The following GSAP variants were observed in gnomAD, a reference collection of about 807,000 sequenced individuals.
GSAP encodes gamma-secretase-activating protein.
In GSAP, 118 loss-of-function variants were observed where a neutral mutation model predicts 131.7. The ratio of observed to expected loss-of-function variants is 0.90; its 90% CI spans 0.77 to 1.04. GSAP has a LOEUF of 1.04. Among genes scored for constraint, GSAP ranks in the 50% least tolerant of loss-of-function variants. GSAP has a pLI of 0.00. For synonymous variants in GSAP, 381 were observed against 363.4 expected, an observed-to-expected ratio of 1.05 and a Z score of -0.55; for missense variants, 1,019 against 1,013.2, an observed-to-expected ratio of 1.01 and a Z score of -0.08.
At chr7:77,403,199 G>A (rs892806589) in intron 3 of GSAP, among the ~76,000 whole-genome samples, 4 of 152,084 alleles carry the variant, frequency 2.6e-5, no homozygotes, top group Non-Finnish European at 5.9e-5. Context: ...CTGAAAACTT[G>A]AGATTTTATT....
At chr7:77,407,943 A>T (rs912292789) in intron 1 of GSAP, among the ~76,000 whole-genome samples, 1 of 152,252 alleles carries the variant, frequency 6.6e-6, no homozygotes, top group African/African-American at 2.4e-5. Flanking sequence ...ATTCTGCAAT[A>T]ACACATGTGA....
chr7:77,321,777 G>A (rs578158559), intron 24 of GSAP, among the ~76,000 whole-genome samples: 22 of 152,310 alleles, frequency 1.4e-4, no homozygotes, highest in African/African-American at 5.3e-4. Context: ...CAGAAGAAAA[G>A]AGACACAGAA....
upstream of GSAP, chr7:77,416,389 G>GCCTCGC: frequency 1.2e-6 from 1 of 811,280 alleles, no homozygotes; most frequent in Non-Finnish European, 1.8e-6. Flanking sequence ...CCGCGTGGCC[G>GCCTCGC]CCTCGCCCTC....
intron 18 of GSAP, among the ~76,000 whole-genome samples, chr7:77,349,962 C>T (rs1346056496): frequency 1.3e-5 from 2 of 152,088 alleles, no homozygotes; most frequent in African/African-American, 4.8e-5. Flanking sequence ...TATAAAGACA[C>T]ATGCACACGT....
chr7:77,328,542 G>A, intron 22 of GSAP, 64 bp downstream of exon 22: 3 of 1,580,712 alleles, frequency 1.9e-6, no homozygotes, highest in South Asian at 2.3e-5. Context: ...GTGGTAGGAA[G>A]AACAGTGCTA....
intron 5 of GSAP, among the ~76,000 whole-genome samples, chr7:77,395,116 A>G (rs1800147721): frequency 6.6e-6 from 1 of 152,256 alleles, no homozygotes; most frequent in Admixed American, 6.5e-5. Flanking sequence ...TATAATCTAC[A>G]TAATCATAAA....
At chr7:77,380,214 G>C (rs752899952) in intron 8 of GSAP, 1 of 152,186 alleles carries the variant, frequency 6.6e-6, no homozygotes, top group African/African-American at 2.4e-5. Context: ...TATCAACTTA[G>C]ACTCATCCAA....
At chr7:77,323,029 CATT>C (rs1409217324) in intron 24 of GSAP, among the ~76,000 whole-genome samples, 4 of 152,136 alleles carry the variant, frequency 2.6e-5, no homozygotes, top group Non-Finnish European at 5.9e-5. Flanking sequence ...ATTTGTCAAA[CATT>C]ATTTCTAGAC....
intron 19 of GSAP, among the ~76,000 whole-genome samples, chr7:77,334,735 G>A (rs1308503864): frequency 5.9e-5 from 9 of 151,884 alleles, no homozygotes; most frequent in Non-Finnish European, 1.0e-4. Flanking sequence ...GCCCATCACC[G>A]GCAACTCGAA....
chr7:77,381,875 G>T (rs948479429), intron 7 of GSAP, among the ~76,000 whole-genome samples: 1 of 149,720 alleles, frequency 6.7e-6, no homozygotes, highest in Non-Finnish European at 1.5e-5. Flanking sequence ...CTTTCTATCA[G>T]TAACAATTTG....
chr7:77,381,022 T>C (rs2151032990), intron 8 of GSAP, among the ~76,000 whole-genome samples: 1 of 152,312 alleles, frequency 6.6e-6, no homozygotes, highest in South Asian at 2.1e-4. Flanking sequence ...CATCTAACCT[T>C]GCATAGGTTT....
chr7:77,372,176 A>G (rs1187034489), intron 12 of GSAP, among the ~76,000 whole-genome samples: 1 of 152,276 alleles, frequency 6.6e-6, no homozygotes, highest in Non-Finnish European at 1.5e-5. Flanking sequence ...ATGTAAGTAA[A>G]CAATTGGATA....
At chr7:77,340,831 C>T (rs1790805093) in intron 19 of GSAP, among the ~76,000 whole-genome samples, 1 of 152,096 alleles carries the variant, frequency 6.6e-6, no homozygotes, top group Non-Finnish European at 1.5e-5. Context: ...GCTGCTCACC[C>T]ACATTGCAGC....
In GSAP at chr7:77,414,227, A is replaced by C. The variant is rs147782548; in HGVS notation, c.109+1986T>G. On this transcript the variant is annotated intron_variant, in intron 1 of 30. Coordinates refer to ENST00000257626, the MANE Select transcript of GSAP (RefSeq NM_017439.4). Reference sequence around the variant, plus strand: ...CAAGTATGCATAGAGGAGGCATTACAATGGTATAGTAATTCATAATTTACA... The same window carrying C: ...CAAGTATGCATAGAGGAGGCATTACCATGGTATAGTAATTCATAATTTACA... Among the ~76,000 whole-genome samples, 472 of 152,378 alleles carry C rather than the reference A, an allele frequency of 3.1e-3. 1 individual carries two copies. The highest frequency in any genetic ancestry group is 0.011 in the African/African-American group (456 of 41,588).
chr7:77,386,774 G>A (rs1441383701), intron 6 of GSAP, among the ~76,000 whole-genome samples: 2 of 152,178 alleles, frequency 1.3e-5, no homozygotes, highest in East Asian at 3.8e-4. Context: ...AGCAAAAAAG[G>A]CAGGGCATCA....
rs1284232431 is a variant in GSAP, at chr7:77,355,599, T to C, written c.1076A>G (p.Asn359Ser). The C allele has an allele frequency of 6.2e-7, 1 of 1,610,718 alleles. No homozygotes were observed. Among genetic ancestry groups the C allele is most frequent in the Non-Finnish European group, 8.5e-7 (1 of 1,177,124 alleles). ...GCAGATCAGGTCTGGATGTTGAACA[T>C]TAAGTAGGTGGAAGAAATGACCAGG... is the stretch of plus-strand genomic sequence containing the variant. ...YLPGHFFHLL[N>S]VQHPDLICHN... The change falls in exon 15 of 31, where the codon AAT (asparagine) becomes AGT (serine). Residue 359 changes from asparagine to serine, a missense_variant. Asn to Ser is a conservative substitution (Grantham distance 46, BLOSUM62 1). Transcript: ENST00000257626.
intron 21 of GSAP, 40 bp downstream of exon 21, chr7:77,329,292 TC>T: frequency 9.0e-7 from 1 of 1,112,126 alleles, no homozygotes; most frequent in Non-Finnish European, 1.3e-6. Flanking sequence ...ATTGTAAATG[TC>T]AACCATCTTA....
intron 2 of GSAP, among the ~76,000 whole-genome samples, 192 bp from the exon 3 acceptor site, chr7:77,404,807 A>C (rs17152883): frequency 0.035 from 5,342 of 152,284 alleles, 314 homozygotes; most frequent in African/African-American, 0.12. Flanking sequence ...ATGGATCAAC[A>C]GTGTAGAGCT....
chr7:77,409,216 T>G (rs1271626345), intron 1 of GSAP, among the ~76,000 whole-genome samples: 1 of 152,146 alleles, frequency 6.6e-6, no homozygotes, highest in Non-Finnish European at 1.5e-5. Flanking sequence ...GCATGATGAC[T>G]CACGCCTGTA....
Sources: gnomAD v4.1 joint callset for allele counts (sites outside exome capture counted in the v4.1 genomes callset) on GRCh38, gnomAD v4.1.1 for gene constraint, MANE v1.5 for transcripts, NCBI Gene and HGNC (gene_info 2026-07-23, HGNC 2026-07-21) for gene names.